TCHHL1: variants seen among roughly 807,000 people sequenced by gnomAD.
The protein encoded by TCHHL1 is trichohyalin-like protein 1.
A neutral mutation model predicts 3.5 loss-of-function variants in TCHHL1; 1 was observed. That is an observed-to-expected ratio of 0.29 (90% CI 0.10 to 1.36). TCHHL1 has a LOEUF of 1.36. Ranked by LOEUF, TCHHL1 falls within the 40% of genes most tolerant of loss-of-function variation. The pLI is 0.43. For synonymous variants in TCHHL1, 405 were observed against 375.3 expected (o/e 1.08, Z -0.92); for missense variants, 1,027 against 1,032.8 (o/e 0.99, Z 0.08).
In TCHHL1 at chr1:152,086,701, G is replaced by A. The variant is rs1657736886; in HGVS notation, c.981C>T (p.Val327=). 3.7e-6 allele frequency: 6 copies of A among 1,614,156 alleles called. No homozygotes were observed. The highest frequency in any genetic ancestry group is 2.2e-5 in the East Asian group (1 of 44,886). The change falls in exon 3 of 3, where the codon GTC becomes GTT. Residue 327 remains valine, a synonymous_variant. Transcript: ENST00000368806. ...GTTCTTGAGTGTCAAACATTCTACA[G>A]ACATCCTTGGAATCAGTTGATTTCT... ...QTQKSTDSKD[V]CRMFDTQEPG...
In TCHHL1 at chr1:152,086,156, G is replaced by A. The variant is rs1208727752; in HGVS notation, c.1526C>T (p.Ser509Phe). The A allele has an allele frequency of 6.8e-6, 11 of 1,614,066 alleles. 1 individual carries two copies. The South Asian group carries it at 1.2e-4, about 18-fold the overall frequency. Residue 509 changes from serine (S) to phenylalanine (F), a missense_variant, in exon 3 of 3, where the codon TCT (serine) becomes TTT (phenylalanine). Transcript: ENST00000368806. Reference sequence around the variant, plus strand: ...GGTGACCCTAGTATTTTCTCCTACAGACTGCTTCTCAAGTGGTGCTAAATC... The same window carrying A: ...GGTGACCCTAGTATTTTCTCCTACAAACTGCTTCTCAAGTGGTGCTAAATC... Reference protein sequence around the residue: ...TQDLAPLEKQSVGENTRVTKT... With the variant: ...TQDLAPLEKQFVGENTRVTKT...
intron 1 of TCHHL1, 97 bp from the exon 2 acceptor site, chr1:152,088,260 C>T (rs1657772701): frequency 1.9e-6 from 2 of 1,048,884 alleles, no homozygotes; most frequent in Non-Finnish European, 2.7e-6. Context: ...ATCTCCACTG[C>T]AACCCCTGCT....
rs768341430 is a variant in TCHHL1 at position 152,088,105 on chromosome 1, C to A, written c.39G>T (p.Glu13Asp). 1 of 1,607,400 alleles carries A rather than the reference C, an allele frequency of 6.2e-7. No homozygotes were observed. Among genetic ancestry groups the A allele is most frequent in the Non-Finnish European group, 8.5e-7 (1 of 1,177,528 alleles). ...CCTCACTGGCATATTTGTGGAATGT[C>A]TCAATTACACAGAGGACATTTCTCA... Reference protein sequence around the residue: ...QLLRNVLCVIETFHKYASEDS... With the variant: ...QLLRNVLCVIDTFHKYASEDS... Residue 13 changes from glutamate to aspartate, a missense_variant, in exon 2 of 3, where the codon GAG becomes GAT. Around this residue, in one of 3 missense-constraint regions of TCHHL1, gnomAD observed 338 missense variants for 335.9 expected, o/e 1.01. Transcript: ENST00000368806.
chr1:152,084,946 G>T lies in TCHHL1; in HGVS notation c.*21C>A, dbSNP rs766614296. The T allele has an allele frequency of 6.2e-7, 1 of 1,600,312 alleles. No homozygotes were observed. Among genetic ancestry groups the T allele is most frequent in the Non-Finnish European group, 8.5e-7 (1 of 1,172,204 alleles). ...AGGGTGATTGGGAGAGAAATTGGGG[G>T]CATGTTGAGATGATAATGATTCATT... On this transcript the variant is annotated 3_prime_UTR_variant, in exon 3 of 3. Transcript: ENST00000368806.
At position 152,086,298 on chromosome 1, in the gene TCHHL1, T is replaced by G. The variant is rs189976775; in HGVS notation, c.1384A>C (p.Thr462Pro). 114 of 1,614,242 alleles carry G rather than the reference T, an allele frequency of 7.1e-5. No homozygotes were observed. In the Admixed American group the frequency reaches 1.5e-3, roughly 21 times the overall value. The part of the protein sequence containing the change: ...GDQTHPELEG[T>P]AVSGEEAEHT... Reference sequence around the variant, plus strand: ...TCTGCCTCTTCTCCTGAGACTGCTGTTCCTTCAAGTTCAGGGTGAGTCTGA... The same window carrying G: ...TCTGCCTCTTCTCCTGAGACTGCTGGTCCTTCAAGTTCAGGGTGAGTCTGA... The change falls in exon 3 of 3, where the codon ACA becomes CCA. Residue 462 changes from threonine (T) to proline (P), a missense_variant. By Grantham distance (38) the Thr-to-Pro change is conservative. Transcript: ENST00000368806.
rs773081843 is a variant in TCHHL1 at position 152,085,224 on chromosome 1, G to A, written c.2458C>T (p.His820Tyr). ...TGGGCTATCTGAACTTGCTTTTGAT[G>A]CTCCTCTTGGGTTACATTTGTTTGC... ...LQQTNVTQEE[H>Y]QKQVQIAQAS... The change falls in exon 3 of 3, where the codon CAT (histidine) becomes TAT (tyrosine). Residue 820 changes from histidine to tyrosine, a missense_variant. By Grantham distance (83) the His-to-Tyr change is moderately conservative. This residue lies in a region of TCHHL1 where 673 missense variants were observed against 658.6 expected (regional missense o/e 1.02). Coordinates refer to ENST00000368806, the MANE Select transcript of TCHHL1 (RefSeq NM_001008536.2). 2.5e-5 allele frequency: 41 copies of A among 1,614,082 alleles called. No homozygotes were observed. The highest frequency in any genetic ancestry group is 3.3e-5 in the Non-Finnish European group (39 of 1,180,048).
In TCHHL1 at chr1:152,084,935, A is replaced by G. The variant is rs769209824; in HGVS notation, c.*32T>C. Reference sequence around the variant, plus strand: ...CGTGAGTATTGAGGGTGATTGGGAGAGAAATTGGGGGCATGTTGAGATGAT... The same window carrying G: ...CGTGAGTATTGAGGGTGATTGGGAGGGAAATTGGGGGCATGTTGAGATGAT... On this transcript the variant is annotated 3_prime_UTR_variant, in exon 3 of 3. Transcript: ENST00000368806. The G allele has an allele frequency of 2.5e-6, 4 of 1,590,346 alleles. No homozygotes were observed. The East Asian group carries it at 9.0e-5, about 36-fold the overall frequency.
intron 2 of TCHHL1, among the ~76,000 whole-genome samples, 179 bp from the exon 3 acceptor site, chr1:152,087,722 G>C (rs1046926512): frequency 6.6e-6 from 1 of 152,188 alleles, no homozygotes; most frequent in Non-Finnish European, 1.5e-5. Context: ...CTGAGAAAGA[G>C]CATTTACAAC....
In TCHHL1 at chr1:152,085,007, C is replaced by T. The variant is rs770315483; in HGVS notation, c.2675G>A (p.Arg892Lys). ...EDKQGHPQRE[R>K]LVLQREASTT... ...GCTTGCCTCCCTTTGTAGTACCAGC[C>T]TCTCTCTCTGAGGGTGACCTTGCTT... Residue 892 changes from arginine (R) to lysine (K), a missense_variant, in exon 3 of 3, where the codon AGG becomes AAG. Arg to Lys is a conservative substitution (Grantham distance 26). Around this residue, in one of 3 missense-constraint regions of TCHHL1, gnomAD observed 673 missense variants for 658.6 expected, o/e 1.02. Transcript: ENST00000368806. 18 of 1,613,750 alleles carry T rather than the reference C, an allele frequency of 1.1e-5. No individual in the cohort carries two copies. The highest frequency in any genetic ancestry group is 1.7e-5 in the Admixed American group (1 of 59,968).
rs1336567966 is a variant in TCHHL1 at position 152,086,550 on chromosome 1, T to C, written c.1132A>G (p.Ser378Gly). Residue 378 changes from serine to glycine, a missense_variant, in exon 3 of 3, where the codon AGC (serine) becomes GGC (glycine). By Grantham distance (56) the Ser-to-Gly change is moderately conservative. This residue lies in a region of TCHHL1 where 673 missense variants were observed against 658.6 expected (regional missense o/e 1.02). Transcript: ENST00000368806. ...ETKDLPVQYGSRNGSETSDMR... is the reference protein window; with the variant it reads ...ETKDLPVQYGGRNGSETSDMR... ...TCAGATGTTTCTGAACCATTTCTGC[T>C]ACCATATTGGACTGGCAGGTCCTTT... The C allele has an allele frequency of 6.2e-7, 1 of 1,614,098 alleles. No homozygotes were observed. The highest frequency in any genetic ancestry group is 8.5e-7 in the Non-Finnish European group (1 of 1,180,048).
At chr1:152,088,840 A>T (rs1044532938) in intron 1 of TCHHL1, among the ~76,000 whole-genome samples, 180 bp downstream of exon 1, 1 of 152,166 alleles carries the variant, frequency 6.6e-6, no homozygotes, top group African/African-American at 2.4e-5. Context: ...TTAAAAAGAA[A>T]ATGATCAAAG....
Position 152,086,206 on chromosome 1 carries a change from T to G in TCHHL1, c.1476A>C (p.Thr492=), listed in dbSNP as rs1419641534. 6.2e-7 allele frequency: 1 copy of G among 1,614,102 alleles called. No individual in the cohort carries two copies. Among genetic ancestry groups the G allele is most frequent in the African/African-American group, 1.3e-5 (1 of 74,928 alleles). The change falls in exon 3 of 3, where the codon ACA becomes ACC. Residue 492 remains threonine, a synonymous_variant. Coordinates refer to ENST00000368806, the MANE Select transcript of TCHHL1 (RefSeq NM_001008536.2). ...CTTGTGTTCTTTCTCTTGCCCCCAGTGTCCTTTCTGCTGCAGGTGCGTTTT... is the reference window on the plus strand; with the variant it reads ...CTTGTGTTCTTTCTCTTGCCCCCAGGGTCCTTTCTGCTGCAGGTGCGTTTT... ...NSKNAPAAER[T]LGARERTQDL...
rs1271390027 is a variant in TCHHL1 at position 152,085,205 on chromosome 1, A to G, written c.2477T>C (p.Ile826Thr). ...TQEEHQKQVQIAQASGPELCS... is the reference protein window; with the variant it reads ...TQEEHQKQVQTAQASGPELCS... Reference sequence around the variant, plus strand: ...AAGCTCTGGGCCTGATGCCTGGGCTATCTGAACTTGCTTTTGATGCTCCTC... The same window carrying G: ...AAGCTCTGGGCCTGATGCCTGGGCTGTCTGAACTTGCTTTTGATGCTCCTC... Residue 826 changes from isoleucine to threonine, a missense_variant, in exon 3 of 3, where the codon ATA (isoleucine) becomes ACA (threonine). Coordinates refer to ENST00000368806, the MANE Select transcript of TCHHL1 (RefSeq NM_001008536.2). 5.6e-6 allele frequency: 9 copies of G among 1,614,082 alleles called. No individual in the cohort carries two copies. Among genetic ancestry groups the G allele is most frequent in the Non-Finnish European group, 6.8e-6 (8 of 1,180,056 alleles).
Position 152,085,428 on chromosome 1 carries a change from G to A in TCHHL1, c.2254C>T (p.Gln752Ter), listed in dbSNP as rs765528637. ...VTSEEEDESP[Q>*]ELAGEGGDQK... is the part of the protein sequence containing the mutation. The stretch of plus-strand genomic sequence containing the variant: ...TCACCACCTTCTCCTGCCAGCTCTT[G>A]GGGACTTTCATCTTCCTCCTCTGAT... Residue 752 changes from glutamine to a stop codon, truncating the protein, a stop_gained, in exon 3 of 3, where the codon CAA (glutamine) becomes TAA (stop). Transcript: ENST00000368806. LOFTEE classifies it low-confidence loss of function (END_TRUNC). The A allele has an allele frequency of 2.5e-6, 4 of 1,614,118 alleles. No homozygotes were observed. Among genetic ancestry groups the A allele is most frequent in the Non-Finnish European group, 3.4e-6 (4 of 1,180,024 alleles).
At chr1:152,088,413 G>GT (rs1221800589) in intron 1 of TCHHL1, among the ~76,000 whole-genome samples, 1 of 152,130 alleles carries the variant, frequency 6.6e-6, no homozygotes, top group African/African-American at 2.4e-5. Context: ...CAACATTCAT[G>GT]TGCTCAGAGA....
chr1:152,085,030 C>T lies in TCHHL1; in HGVS notation c.2652G>A (p.Lys884=), dbSNP rs1230422606. 1 of 1,614,036 alleles carries T rather than the reference C, an allele frequency of 6.2e-7. No individual in the cohort carries two copies. The highest frequency in any genetic ancestry group is 2.2e-5 in the East Asian group (1 of 44,874). ...ETPAPQALED[K]QGHPQRERLV... is the part of the protein sequence containing the mutation. Reference sequence around the variant, plus strand: ...GCCTCTCTCTCTGAGGGTGACCTTGCTTATCTTCCAAGGCCTGGGGAGCTG... The same window carrying T: ...GCCTCTCTCTCTGAGGGTGACCTTGTTTATCTTCCAAGGCCTGGGGAGCTG... Residue 884 remains lysine, a synonymous_variant, in exon 3 of 3, where the codon AAG becomes AAA. Transcript: ENST00000368806.
rs774720731 is a variant in TCHHL1 at position 152,085,469 on chromosome 1, G to C, written c.2213C>G (p.Thr738Arg). The C allele has an allele frequency of 5.1e-5, 82 of 1,614,060 alleles. No homozygotes were observed. Among genetic ancestry groups the C allele is most frequent in the Non-Finnish European group, 6.8e-5 (80 of 1,180,034 alleles). ...NSASLKIQLE[T>R]KEPVTSEEED... ...CTCCTCTGATGTTACAGGTTCCTTT[G>C]TTTCAAGTTGTATCTTGAGGGAGGC... Residue 738 changes from threonine (T) to arginine (R), a missense_variant, in exon 3 of 3, where the codon ACA (threonine) becomes AGA (arginine). By Grantham distance (71) the Thr-to-Arg change is moderately conservative (BLOSUM62 -1). Coordinates refer to ENST00000368806, the MANE Select transcript of TCHHL1 (RefSeq NM_001008536.2).
rs773542704 is a variant in TCHHL1 at position 152,085,526 on chromosome 1, G to C, written c.2156C>G (p.Thr719Ser). The C allele has an allele frequency of 1.2e-6, 2 of 1,614,088 alleles. No individual in the cohort carries two copies. The highest frequency in any genetic ancestry group is 2.7e-5 in the African/African-American group (2 of 74,920). The change falls in exon 3 of 3, where the codon ACT becomes AGT. Residue 719 changes from threonine (T) to serine (S), a missense_variant. Coordinates refer to ENST00000368806, the MANE Select transcript of TCHHL1 (RefSeq NM_001008536.2). ...EKGRATEAQNTLLESLDEDNS... is the reference protein window; with the variant it reads ...EKGRATEAQNSLLESLDEDNS... The stretch of plus-strand genomic sequence containing the variant: ...GTCCTCATCTAGACTTTCTAACAGA[G>C]TATTCTGGGCCTCTGTTGCTCTTCC...
In TCHHL1 at chr1:152,084,814, G is replaced by T; in HGVS notation, c.*153C>A. On this transcript the variant is annotated 3_prime_UTR_variant, in exon 3 of 3. Transcript: ENST00000368806. ...ATTTGTTTGCTCAGATGTTTCTTTA[G>T]TGGTGTCCCCCACTGCTGAATATTT... 1 of 798,436 alleles carries T rather than the reference G, an allele frequency of 1.3e-6. No individual in the cohort carries two copies. Among genetic ancestry groups the T allele is most frequent in the Non-Finnish European group, 1.9e-6 (1 of 516,786 alleles). 49.5% of individuals were successfully genotyped at this position (798,436 alleles called of 1,614,324 possible).
Sources: gnomAD v4.1 joint callset for allele counts (sites outside exome capture counted in the v4.1 genomes callset) on GRCh38, gnomAD v4.1.1 for gene constraint, gnomAD v4.1.1 regional missense constraint, MANE v1.5 for transcripts, NCBI Gene and HGNC (gene_info 2026-07-23, HGNC 2026-07-21) for gene names.